ASB17: variants seen among roughly 807,000 people sequenced by gnomAD.
ASB17 encodes the protein ankyrin repeat and SOCS box protein 17.
In ASB17, 26 loss-of-function variants were observed where a neutral mutation model predicts 25.7. The observed-to-expected ratio is 1.01, with a 90% CI of 0.74 to 1.40. ASB17 has a LOEUF of 1.40. ASB17 is among the 40% of genes most tolerant of loss of function. The probability of loss-of-function intolerance (pLI) is 0.00; values close to 1 mark genes in which losing one functional copy is unlikely to be tolerated. For synonymous variants in ASB17, 128 were observed against 121.4 expected (o/e 1.05, Z -0.36); for missense variants, 326 against 338.5 (o/e 0.96, Z 0.29).
In ASB17 at chr1:75,928,199, G is replaced by C. The variant is rs185483940; in HGVS notation, c.401+3692C>G. On this transcript the variant is annotated intron_variant, in intron 1 of 2. Coordinates refer to ENST00000284142, the MANE Select transcript of ASB17 (RefSeq NM_080868.3). Reference sequence around the variant, plus strand: ...TCTACCTGTGCATGCTTCTATTTTTGTACCTAGAGTGTGGCTATAATTGCT... The same window carrying C: ...TCTACCTGTGCATGCTTCTATTTTTCTACCTAGAGTGTGGCTATAATTGCT... 5.3e-4 allele frequency among the ~76,000 whole-genome samples: 80 copies of C among 152,176 alleles called. 1 individual carries two copies. The highest frequency in any genetic ancestry group is 1.8e-3 in the African/African-American group (74 of 41,520).
At chr1:75,930,084 C>T (rs1425703861) in intron 1 of ASB17, among the ~76,000 whole-genome samples, 2 of 151,350 alleles carry the variant, frequency 1.3e-5, no homozygotes, top group African/African-American at 4.9e-5. Flanking sequence ...GAGGCAAAGT[C>T]AACACTGGGG....
chr1:75,919,370 G>A (rs1015867656), intron 2 of ASB17, among the ~76,000 whole-genome samples: 2 of 151,700 alleles, frequency 1.3e-5, no homozygotes, highest in African/African-American at 4.8e-5. Flanking sequence ...TATGTCTAAG[G>A]ACACAAGGCA....
At position 75,922,063 on chromosome 1, in the gene ASB17, T is replaced by A. The variant is rs12567390; in HGVS notation, c.681+17A>T. The A allele has an allele frequency of 0.34, 528,323 of 1,560,850 alleles. 96,860 individuals carry two copies. The highest frequency in any genetic ancestry group is 0.67 in the East Asian group (29,733 of 44,200). ...CACTAATATTTGAGCCCATTTTTTT[T>A]AAAGTAGTTTTCTTACCTTTATTTC... On this transcript the variant is annotated intron_variant, in intron 2 of 2. Transcript: ENST00000284142.
chr1:75,925,457 G>A (rs973171293), intron 1 of ASB17, among the ~76,000 whole-genome samples: 2 of 152,028 alleles, frequency 1.3e-5, no homozygotes, highest in African/African-American at 4.8e-5. Flanking sequence ...GAAAAATGTT[G>A]AAAACATGAC....
intron 1 of ASB17, among the ~76,000 whole-genome samples, chr1:75,925,239 T>C (rs1653138879): frequency 6.6e-6 from 1 of 152,116 alleles, no homozygotes; most frequent in African/African-American, 2.4e-5. Flanking sequence ...TTTGTTGATA[T>C]GTAATCACTT....
Position 75,919,884 on chromosome 1 carries a change from T to C in ASB17, c.682-726A>G, listed in dbSNP as rs560275847. Among the ~76,000 whole-genome samples, 4 of 152,354 alleles carry C rather than the reference T, an allele frequency of 2.6e-5. No individual in the cohort carries two copies. The South Asian group carries it at 8.3e-4, about 32-fold the overall frequency. ...GTCTTTATAGCAGCATGATTTATAG[T>C]CCTTTGGGTATATACCCAGTAATGG... On this transcript the variant is annotated intron_variant, in intron 2 of 2. Transcript: ENST00000284142.
chr1:75,924,827 C>G (rs1653127039), intron 1 of ASB17, among the ~76,000 whole-genome samples: 1 of 151,570 alleles, frequency 6.6e-6, no homozygotes, highest in African/African-American at 2.4e-5. Flanking sequence ...TTCAATTCTG[C>G]AATAAGTCTA....
chr1:75,931,659 G>A (rs1167783487), intron 1 of ASB17, among the ~76,000 whole-genome samples: 1 of 152,114 alleles, frequency 6.6e-6, no homozygotes, highest in Non-Finnish European at 1.5e-5. Flanking sequence ...TAACATGTAA[G>A]CTGTGTAGAG....
intron 1 of ASB17, among the ~76,000 whole-genome samples, chr1:75,926,468 G>C (rs1653174840): frequency 6.6e-6 from 1 of 152,200 alleles, no homozygotes; most frequent in South Asian, 2.1e-4. Flanking sequence ...ACTGTGCCTG[G>C]AGTGATGAAG....
chr1:75,932,349 C>T lies in ASB17; in HGVS notation c.-58G>A. 6.9e-7 allele frequency: 1 copy of T among 1,455,672 alleles called. No individual in the cohort carries two copies. Among genetic ancestry groups the T allele is most frequent in the Non-Finnish European group, 9.3e-7 (1 of 1,079,802 alleles). The allele number at this position is 1,455,672 out of a possible 1,614,324, so 90.2% of individuals were successfully genotyped here. A position where few individuals can be genotyped will look rare whatever the true frequency, so the allele number is the denominator to read the frequency against. Reference sequence around the variant, plus strand: ...CAGAGGTAAGCATACTGTAATCCTCCAGTTACATATTTTGACAATGTGGCA... The same window carrying T: ...CAGAGGTAAGCATACTGTAATCCTCTAGTTACATATTTTGACAATGTGGCA... On this transcript the variant is annotated 5_prime_UTR_variant, in exon 1 of 3. Coordinates refer to ENST00000284142, the MANE Select transcript of ASB17 (RefSeq NM_080868.3).
chr1:75,924,775 A>T (rs1653123865), intron 1 of ASB17, among the ~76,000 whole-genome samples: 1 of 151,096 alleles, frequency 6.6e-6, no homozygotes, highest in Non-Finnish European at 1.5e-5. Context: ...GGTCTTTCAC[A>T]TTTCTTTACT....
intron 1 of ASB17, among the ~76,000 whole-genome samples, chr1:75,923,386 T>C (rs1241567216): frequency 6.6e-6 from 1 of 152,184 alleles, no homozygotes; most frequent in African/African-American, 2.4e-5. Flanking sequence ...ATGAAAACTT[T>C]ATTTTTTTAA....
chr1:75,930,585 G>T (rs904682983), intron 1 of ASB17, among the ~76,000 whole-genome samples: 3 of 151,982 alleles, frequency 2.0e-5, no homozygotes, highest in Admixed American at 2.0e-4. Context: ...GCGATCAGTA[G>T]AACTGGCCTG....
chr1:75,929,390 A>G (rs1165383860), intron 1 of ASB17, among the ~76,000 whole-genome samples: 1 of 105,910 alleles, frequency 9.4e-6, no homozygotes, highest in Admixed American at 9.6e-5. Flanking sequence ...GCGCCCAGCT[A>G]ATTTTTTTTT....
intron 1 of ASB17, among the ~76,000 whole-genome samples, 186 bp downstream of exon 1, chr1:75,931,705 T>A (rs1157502081): frequency 6.6e-6 from 1 of 152,132 alleles, no homozygotes; most frequent in Non-Finnish European, 1.5e-5. Context: ...CATAATAATT[T>A]ACATATAAAT....
Position 75,918,911 on chromosome 1 carries a change from A to G in ASB17, c.*41T>C, listed in dbSNP as rs1390982385. ...ATTTTTATTAACTTCTAAGCCATAC[A>G]TTGGTAAGCATTGTTAAGGAACTTA... On this transcript the variant is annotated 3_prime_UTR_variant, in exon 3 of 3. Coordinates refer to ENST00000284142, the MANE Select transcript of ASB17 (RefSeq NM_080868.3). 1.3e-5 allele frequency: 19 copies of G among 1,491,202 alleles called. No individual in the cohort carries two copies. The highest frequency in any genetic ancestry group is 1.8e-5 in the Non-Finnish European group (19 of 1,068,998). The allele number at this position is 1,491,202 out of a possible 1,614,324, so 92.4% of individuals were successfully genotyped here.
At chr1:75,923,626 A>T (rs1653089818) in intron 1 of ASB17, among the ~76,000 whole-genome samples, 1 of 152,208 alleles carries the variant, frequency 6.6e-6, no homozygotes, top group Non-Finnish European at 1.5e-5. Context: ...CAGCACACAA[A>T]GTATAAATAC....
chr1:75,923,036 A>G (rs1388496832), intron 1 of ASB17, among the ~76,000 whole-genome samples: 4 of 152,248 alleles, frequency 2.6e-5, no homozygotes, highest in Non-Finnish European at 2.9e-5. Flanking sequence ...AAAGGAGGAC[A>G]GAACTTTTTG....
At chr1:75,919,553 C>T (rs1652974099) in intron 2 of ASB17, among the ~76,000 whole-genome samples, 1 of 152,122 alleles carries the variant, frequency 6.6e-6, no homozygotes, top group Admixed American at 6.6e-5. Flanking sequence ...TACCCCACAA[C>T]AGTACCTAGA....
Sources: gnomAD v4.1 joint callset for allele counts (sites outside exome capture counted in the v4.1 genomes callset) on GRCh38, gnomAD v4.1.1 for gene constraint, MANE v1.5 for transcripts, NCBI Gene and HGNC (gene_info 2026-07-23, HGNC 2026-07-21) for gene names.